Variants in SNHG17 observed in about 807,000 individuals in gnomAD.
SNHG17 encodes the protein small nucleolar RNA host gene 17.
chr20:38,420,687 A>G (rs1275486489), exon 8 of SNHG17: 1 of 152,236 alleles, frequency 6.6e-6, no homozygotes, highest in Non-Finnish European at 1.5e-5. Context: ...CATTCCAGGC[A>G]TGGACAGAGG....
chr20:38,429,576 C>A, intron 3 of SNHG17: 1 of 382,722 alleles, frequency 2.6e-6, no homozygotes, highest in South Asian at 2.1e-5. Flanking sequence ...TCATGTCTCA[C>A]AATAACTGCC....
chr20:38,431,263 G>C (rs2122722515), intron 2 of SNHG17, among the ~76,000 whole-genome samples: 1 of 152,306 alleles, frequency 6.6e-6, no homozygotes, highest in East Asian at 1.9e-4. Context: ...AGCCCATCCT[G>C]GTCACTGACA....
chr20:38,421,629 G>A (rs2122676371), intron 6 of SNHG17: 1 of 152,386 alleles, frequency 6.6e-6, no homozygotes, highest in South Asian at 2.1e-4. Flanking sequence ...TGAAAGCCTA[G>A]TTGGAAAAAG....
chr20:38,427,358 C>G (rs199992489), intron 3 of SNHG17: 1 of 518,514 alleles, frequency 1.9e-6, no homozygotes, highest in African/African-American at 1.9e-5. Flanking sequence ...CCTCCAAACA[C>G]GGGGACAACC....
intron 5 of SNHG17, among the ~76,000 whole-genome samples, chr20:38,424,622 C>T (rs2084214500): frequency 6.6e-6 from 1 of 152,220 alleles, no homozygotes; most frequent in Admixed American, 6.5e-5. Context: ...GACAGAGGCA[C>T]TGCCCTGAGG....
At position 38,431,320 on chromosome 20, in the gene SNHG17, C is replaced by T. The variant is rs45580332; in HGVS notation, n.309-208G>A. Among the ~76,000 whole-genome samples the T allele has an allele frequency of 4.5e-3, 686 of 152,354 alleles. 4 individuals carry two copies. The highest frequency in any genetic ancestry group is 0.016 in the African/African-American group (651 of 41,574). ...TCTGAAATGGACAATGGTGCCTCTA[C>T]ACAAGAGGAAAACCTTGTAACTTTT... On this transcript the variant is annotated intron_variant and non_coding_transcript_variant, in intron 2 of 8. Transcript: ENST00000654008.
chr20:38,433,588 G>C (rs1343773803), intron 2 of SNHG17, among the ~76,000 whole-genome samples: 1 of 152,150 alleles, frequency 6.6e-6, no homozygotes, highest in Non-Finnish European at 1.5e-5. Flanking sequence ...GTGAGATCCT[G>C]TCTCTAAAAA....
chr20:38,434,842 G>C, intron 1 of SNHG17: 1 of 985,430 alleles, frequency 1.0e-6, no homozygotes, highest in Non-Finnish European at 1.2e-6. Context: ...CACTTTGTAG[G>C]CAACAGTCAA....
At chr20:38,428,704 T>C (rs2084288696) in intron 3 of SNHG17, 1 of 152,296 alleles carries the variant, frequency 6.6e-6, no homozygotes, top group African/African-American at 2.4e-5. Flanking sequence ...GATCTTGGGA[T>C]GTGCTGTTTC....
chr20:38,432,236 G>T (rs2084351813), intron 2 of SNHG17: 1 of 880,788 alleles, frequency 1.1e-6, no homozygotes, highest in East Asian at 1.2e-4. Context: ...GCAACACGAA[G>T]AGTTCATCTA....
chr20:38,431,962 G>C lies in SNHG17; in HGVS notation n.309-850C>G, dbSNP rs542262634. On this transcript the variant is annotated intron_variant and non_coding_transcript_variant, in intron 2 of 8. Coordinates refer to ENST00000654008, the Ensembl canonical transcript of SNHG17. The stretch of plus-strand genomic sequence containing the variant: ...AACCTGCATGCACCCACCCTTGTGG[G>C]ACACAAAGCCCCAGATCTCCAGAGG... 2.1e-4 allele frequency: 206 copies of C among 983,218 alleles called. No homozygotes were observed. In the Middle Eastern group the frequency reaches 2.6e-3, roughly 12 times the overall value. 60.9% of individuals were successfully genotyped at this position (983,218 alleles called of 1,614,324 possible).
intron 1 of SNHG17, chr20:38,434,839 T>C (rs1345280018): frequency 4.1e-6 from 4 of 985,272 alleles, no homozygotes; most frequent in East Asian, 1.1e-4. Context: ...TGGCACTTTG[T>C]AGGCAACAGT....
intron 2 of SNHG17, among the ~76,000 whole-genome samples, chr20:38,432,553 C>T (rs2084356948): frequency 2.0e-5 from 3 of 152,280 alleles, no homozygotes; most frequent in Non-Finnish European, 2.9e-5. Flanking sequence ...TGGTGGCCCA[C>T]GGACAAGACC....
intron 5 of SNHG17, among the ~76,000 whole-genome samples, chr20:38,424,484 T>G (rs1456822602): frequency 6.6e-6 from 1 of 152,212 alleles, no homozygotes; most frequent in Non-Finnish European, 1.5e-5. Flanking sequence ...ACAGCTGGCT[T>G]GTTCTAGGAC....
chr20:38,433,652 G>C (rs908619880), intron 2 of SNHG17, among the ~76,000 whole-genome samples: 7 of 152,176 alleles, frequency 4.6e-5, no homozygotes, highest in Non-Finnish European at 8.8e-5. Context: ...GGTCACAATA[G>C]AGAGAGGCAA....
intron 5 of SNHG17, chr20:38,425,428 T>C (rs1437657173): frequency 2.3e-6 from 1 of 433,452 alleles, no homozygotes; most frequent in Non-Finnish European, 4.7e-6. Flanking sequence ...AGTGACCAGA[T>C]TTGCAGCCTA....
intron 2 of SNHG17, among the ~76,000 whole-genome samples, chr20:38,431,453 A>T (rs1193064003): frequency 1.3e-5 from 2 of 152,244 alleles, no homozygotes; most frequent in Non-Finnish European, 2.9e-5. Context: ...CAGAAGCCTG[A>T]AAAATGGCCT....
chr20:38,425,796 A>T (rs777958457), intron 5 of SNHG17: 1 of 154,770 alleles, frequency 6.5e-6, no homozygotes, highest in Non-Finnish European at 1.4e-5. Flanking sequence ...TGGACTTACT[A>T]TCCATAATCC....
At chr20:38,422,438 C>T (rs745573392) in intron 5 of SNHG17, among the ~76,000 whole-genome samples, 5 of 152,172 alleles carry the variant, frequency 3.3e-5, no homozygotes, top group African/African-American at 7.2e-5. Flanking sequence ...ATGCCACTGT[C>T]TCTATTAGTA....
Sources: allele counts gnomAD v4.1 joint callset (sites outside exome capture counted in the v4.1 genomes callset), GRCh38; gene constraint gnomAD v4.1.1; transcripts MANE v1.5; gene names NCBI Gene and HGNC (gene_info 2026-07-23, HGNC 2026-07-21).